STPG2: variants seen among roughly 807,000 people sequenced by gnomAD.
STPG2 encodes sperm tail PG-rich repeat containing 2.
A neutral mutation model predicts 54.2 loss-of-function variants in STPG2; 56 were observed. The observed-to-expected ratio is 1.03, with a 90% confidence interval of 0.83 to 1.29. The LOEUF is 1.29. Among genes scored for constraint, STPG2 ranks in the 50% most tolerant of loss-of-function variants. The pLI, the probability that STPG2 is intolerant of heterozygous loss-of-function variation, is 0.00. For synonymous variants in STPG2, 200 were observed against 181.8 expected, an observed-to-expected ratio of 1.10 and a Z score of -0.81; for missense variants, 596 against 544.9, an observed-to-expected ratio of 1.09 and a Z score of -0.93.
At chr4:97,972,163 C>T in intron 7 of STPG2, 117 bp downstream of exon 7, 1 of 634,678 alleles carries the variant, frequency 1.6e-6, no homozygotes, top group East Asian at 3.1e-5. Context: ...ACATATGGAA[C>T]ATGGTTATAA....
intron 5 of STPG2, among the ~76,000 whole-genome samples, chr4:98,057,747 T>A (rs556432615): frequency 1.1e-4 from 16 of 152,130 alleles, no homozygotes; most frequent in Admixed American, 6.5e-4. Context: ...TCAAGACACA[T>A]AATCATCAGA....
chr4:98,020,288 G>C (rs925045139), intron 5 of STPG2, among the ~76,000 whole-genome samples: 6 of 131,086 alleles, frequency 4.6e-5, no homozygotes, highest in African/African-American at 1.8e-4. Context: ...TGTGGTTTTT[G>C]TCTTTGGTTC....
intron 4 of STPG2, among the ~76,000 whole-genome samples, chr4:98,106,364 T>C (rs965068053): frequency 6.6e-6 from 1 of 152,116 alleles, no homozygotes; most frequent in African/African-American, 2.4e-5. Context: ...AAAAGTTTCC[T>C]GTGTAGTCTA....
chr4:97,521,985 T>A (rs1298965438), intron 4 of STPG2, among the ~76,000 whole-genome samples: 1 of 151,944 alleles, frequency 6.6e-6, no homozygotes, highest in Non-Finnish European at 1.5e-5. Context: ...ATATTAGTGG[T>A]AATGAGATAG....
intron 4 of STPG2, among the ~76,000 whole-genome samples, chr4:97,534,567 T>C (rs1480534340): frequency 6.6e-6 from 1 of 152,198 alleles, no homozygotes; most frequent in Non-Finnish European, 1.5e-5. Context: ...TTGTACTATT[T>C]GCACAAATCA....
chr4:97,935,567 T>A (rs1732720055), intron 8 of STPG2, among the ~76,000 whole-genome samples: 1 of 152,224 alleles, frequency 6.6e-6, no homozygotes, highest in African/African-American at 2.4e-5. Flanking sequence ...TTCCAGAGCT[T>A]CTTGTACATT....
At chr4:97,849,937 T>G (rs980420762) in intron 8 of STPG2, among the ~76,000 whole-genome samples, 4 of 152,000 alleles carry the variant, frequency 2.6e-5, no homozygotes, top group African/African-American at 9.7e-5. Flanking sequence ...ACCCAAAGGA[T>G]TATAAATCAT....
intron 9 of STPG2, among the ~76,000 whole-genome samples, chr4:97,785,854 A>G (rs932117006): frequency 1.3e-5 from 2 of 151,898 alleles, no homozygotes; most frequent in African/African-American, 4.8e-5. Context: ...AAAAAACTAT[A>G]TGAGTTTAAG....
intron 4 of STPG2, among the ~76,000 whole-genome samples, chr4:97,541,646 A>G (rs1189321352): frequency 1.3e-5 from 2 of 152,226 alleles, no homozygotes; most frequent in East Asian, 1.9e-4. Flanking sequence ...GAACCAAAAA[A>G]GAGCCTGCAT....
At chr4:97,596,475 C>T (rs1418558320) in intron 10 of STPG2, among the ~76,000 whole-genome samples, 2 of 152,118 alleles carry the variant, frequency 1.3e-5, no homozygotes. Flanking sequence ...CTCTCATTTG[C>T]ACATAGCACA....
intron 10 of STPG2, among the ~76,000 whole-genome samples, chr4:97,610,705 G>C (rs191360968): frequency 1.5e-4 from 23 of 152,132 alleles, no homozygotes; most frequent in Admixed American, 6.6e-5. Flanking sequence ...TTTAGTTTCA[G>C]ATCAGGCAGG....
At chr4:97,608,837 A>T (rs1450054413) in intron 10 of STPG2, among the ~76,000 whole-genome samples, 2 of 152,036 alleles carry the variant, frequency 1.3e-5, no homozygotes, top group Non-Finnish European at 2.9e-5. Flanking sequence ...ATGTGTTCTA[A>T]AAGGTTTTTT....
chr4:97,650,144 G>A (rs1244182487), intron 10 of STPG2, among the ~76,000 whole-genome samples: 1 of 152,132 alleles, frequency 6.6e-6, no homozygotes, highest in Non-Finnish European at 1.5e-5. Context: ...AACTCAGGCA[G>A]TAATGCAAGC....
In STPG2 at chr4:97,979,955, C is replaced by G. The variant is rs543622041; in HGVS notation, c.772+1204G>C. On this transcript the variant is annotated intron_variant, in intron 6 of 10. Coordinates refer to ENST00000295268, the MANE Select transcript of STPG2 (RefSeq NM_174952.3). ...GGCCAGGATGGTCTCGATCCCCTGACCTCATGATCCACCCGCCTCAGCCTC... is the reference window on the plus strand; with the variant it reads ...GGCCAGGATGGTCTCGATCCCCTGAGCTCATGATCCACCCGCCTCAGCCTC... 2.6e-5 allele frequency among the ~76,000 whole-genome samples: 4 copies of G among 152,032 alleles called. No homozygotes were observed. In the East Asian group the frequency reaches 5.8e-4, roughly 22 times the overall value.
At chr4:97,797,808 G>T (rs149168970) in intron 9 of STPG2, among the ~76,000 whole-genome samples, 1 of 152,160 alleles carries the variant, frequency 6.6e-6, no homozygotes, top group African/African-American at 2.4e-5. Flanking sequence ...CTGCGAATCC[G>T]TCTGGTCCTG....
chr4:97,535,947 G>A (rs1462016087), intron 4 of STPG2, among the ~76,000 whole-genome samples: 1 of 152,084 alleles, frequency 6.6e-6, no homozygotes. Flanking sequence ...GGTTTAAGTT[G>A]AATAGTTTAT....
chr4:98,042,872 T>C (rs955102381), intron 5 of STPG2, among the ~76,000 whole-genome samples: 2 of 152,048 alleles, frequency 1.3e-5, no homozygotes, highest in African/African-American at 4.8e-5. Flanking sequence ...GTCAATGATC[T>C]GTCTAGTGTT....
intron 7 of STPG2, among the ~76,000 whole-genome samples, chr4:97,968,886 C>T (rs1214043470): frequency 1.3e-5 from 2 of 152,200 alleles, no homozygotes; most frequent in Non-Finnish European, 2.9e-5. Context: ...GCGTGATGTG[C>T]TTCCCCCTGC....
chr4:97,573,288 TAAAA>T, intron 10 of STPG2, among the ~76,000 whole-genome samples: 1 of 152,172 alleles, frequency 6.6e-6, no homozygotes, highest in South Asian at 2.1e-4. Flanking sequence ...TATTATAAAA[TAAAA>T]ACTATAGCTA....
Sources: gnomAD v4.1 joint callset for allele counts (sites outside exome capture counted in the v4.1 genomes callset) on GRCh38, gnomAD v4.1.1 for gene constraint, MANE v1.5 for transcripts, NCBI Gene and HGNC (gene_info 2026-07-23, HGNC 2026-07-21) for gene names.